Variants in MS4A12 observed in about 807,000 individuals in gnomAD.
MS4A12 encodes membrane-spanning 4-domains subfamily A member 12.
MS4A12 carries 28 observed loss-of-function variants against 23.7 expected under a neutral mutation model. The ratio of observed to expected loss-of-function variants is 1.18; its 90% CI spans 0.88 to 1.62. The LOEUF is 1.62. Ranked by LOEUF, MS4A12 falls within the 40% of genes most tolerant of loss-of-function variation. The pLI, the probability that MS4A12 is intolerant of heterozygous loss-of-function variation, is 0.00. For missense variants in MS4A12, 342 were observed against 327.0 expected, an observed-to-expected ratio of 1.05 and a Z score of -0.35; for synonymous variants, 108 against 110.1, an observed-to-expected ratio of 0.98 and a Z score of 0.12.
At chr11:60,499,689 T>C (rs1185613912) in intron 2 of MS4A12, among the ~76,000 whole-genome samples, 1 of 152,256 alleles carries the variant, frequency 6.6e-6, no homozygotes, top group African/African-American at 2.4e-5. Context: ...TTCGATTTAC[T>C]TGTGTTCAGT....
intron 1 of MS4A12, among the ~76,000 whole-genome samples, chr11:60,495,642 G>C (rs574235444): frequency 5.3e-5 from 8 of 152,140 alleles, no homozygotes; most frequent in African/African-American, 1.4e-4. Flanking sequence ...AGAAAACAAA[G>C]GCAAAGAGAG....
At chr11:60,504,612 C>T (rs1002607574) in intron 5 of MS4A12, among the ~76,000 whole-genome samples, 3 of 152,188 alleles carry the variant, frequency 2.0e-5, no homozygotes, top group Admixed American at 1.3e-4. Flanking sequence ...CTACATATAT[C>T]TTAAGAAAGA....
Position 60,503,710 on chromosome 11 carries a change from A to G in MS4A12, c.481A>G (p.Ser161Gly), listed in dbSNP as rs1237852483. The change falls in exon 5 of 7, where the codon AGC (serine) becomes GGC (glycine). Residue 161 changes from serine (S) to glycine (G), a missense_variant. Transcript: ENST00000016913. ...CTGCCATCTCCATTAGGTGAAAGGCAGCCTGGGAATGAACATTGTTAGTTC... is the reference window on the plus strand; with the variant it reads ...CTGCCATCTCCATTAGGTGAAAGGCGGCCTGGGAATGAACATTGTTAGTTC... ...KELSRCLVKGSLGMNIVSSIL... is the reference protein window; with the variant it reads ...KELSRCLVKGGLGMNIVSSIL... The G allele has an allele frequency of 1.2e-6, 2 of 1,612,214 alleles. No homozygotes were observed. Among genetic ancestry groups the G allele is most frequent in the Non-Finnish European group, 1.7e-6 (2 of 1,179,266 alleles).
rs147008825 is a variant in MS4A12, at chr11:60,506,785, G to A, written c.646G>A (p.Val216Ile). 2.9e-4 allele frequency: 475 copies of A among 1,614,082 alleles called. 2 individuals are homozygous for A. The African/African-American group carries it at 4.5e-3, about 15-fold the overall frequency. ...GATCTTCTCCCTCTTGGAGTTCTTC[G>A]TAGCTTGTGCCACAGCCCATTTTGC... ...LMIFSLLEFF[V>I]ACATAHFANQ... Residue 216 changes from valine to isoleucine, a missense_variant, in exon 6 of 7, where the codon GTA becomes ATA. Transcript: ENST00000016913.
chr11:60,499,859 G>A lies in MS4A12; in HGVS notation c.277-1186G>A, dbSNP rs750226242. On this transcript the variant is annotated intron_variant, in intron 2 of 6. Transcript: ENST00000016913. ...TCAGAAATCTATCTTTATTTACAAT[G>A]AAGGAAGGTTCAATAAGAGGTACAA... Among the ~76,000 whole-genome samples the A allele has an allele frequency of 1.5e-3, 225 of 152,264 alleles. 1 individual carries two copies. Among genetic ancestry groups the A allele is most frequent in the Non-Finnish European group, 1.6e-3 (107 of 68,016 alleles).
rs146116909 is a variant in MS4A12, at chr11:60,497,541, C to G, written c.223C>G (p.Pro75Ala). ...PGQGNIQMIN[P>A]SVGTAVMNFK... ...TCAAGGAAATATACAAATGATAAAT[C>G]CAAGTGTGGGAACAGCAGTAATGAA... The change falls in exon 2 of 7, where the codon CCA becomes GCA. Residue 75 changes from proline (P) to alanine (A), a missense_variant. Coordinates refer to ENST00000016913, the MANE Select transcript of MS4A12 (RefSeq NM_017716.3). 5.0e-5 allele frequency: 81 copies of G among 1,613,900 alleles called. No homozygotes were observed. The highest frequency in any genetic ancestry group is 6.0e-5 in the Non-Finnish European group (71 of 1,179,932).
intron 2 of MS4A12, among the ~76,000 whole-genome samples, chr11:60,500,096 C>T (rs2086518553): frequency 6.6e-6 from 1 of 151,870 alleles, no homozygotes; most frequent in South Asian, 2.1e-4. Context: ...AAGAAATTAG[C>T]CAGGCATGGT....
Position 60,507,028 on chromosome 11 carries a change from G to T in MS4A12, c.708G>T (p.Leu236=). The T allele has an allele frequency of 6.2e-7, 1 of 1,612,492 alleles. No homozygotes were observed. Residue 236 remains leucine (L), a synonymous_variant, in exon 7 of 7, where the codon CTG becomes CTT. Transcript: ENST00000016913. ...QANTTTNMSV[L]VIPNMYESNP... is the part of the protein sequence containing the mutation. ...TTATTCATTCTTTCCAGTCTGTCCT[G>T]GTTATTCCAAATATGTATGAAAGCA... is the stretch of plus-strand genomic sequence containing the variant.
At chr11:60,495,487 A>G (rs2086481635) in intron 1 of MS4A12, among the ~76,000 whole-genome samples, 1 of 151,938 alleles carries the variant, frequency 6.6e-6, no homozygotes, top group African/African-American at 2.4e-5. Flanking sequence ...GTACAGAGAT[A>G]ATGTATCTCA....
chr11:60,494,486 A>G (rs914245514), intron 1 of MS4A12, among the ~76,000 whole-genome samples: 3 of 152,202 alleles, frequency 2.0e-5, no homozygotes, highest in African/African-American at 7.2e-5. Context: ...TGTTCTGGTT[A>G]ATTACTGTAC....
intron 1 of MS4A12, among the ~76,000 whole-genome samples, chr11:60,495,362 T>G (rs2086480832): frequency 6.6e-6 from 1 of 151,370 alleles, no homozygotes; most frequent in Admixed American, 6.6e-5. Flanking sequence ...TCAACCATTT[T>G]CAGTTGCATC....
At chr11:60,505,948 A>AG in intron 5 of MS4A12, among the ~76,000 whole-genome samples, 1 of 152,326 alleles carries the variant, frequency 6.6e-6, no homozygotes, top group Admixed American at 6.5e-5. Context: ...CTCAGAAGAC[A>AG]GAAAAAGTGA....
At chr11:60,498,626 G>C (rs569174720) in intron 2 of MS4A12, among the ~76,000 whole-genome samples, 1 of 152,172 alleles carries the variant, frequency 6.6e-6, no homozygotes, top group Non-Finnish European at 1.5e-5. Context: ...GGGGAAATCA[G>C]ACTGTATACA....
Position 60,507,332 on chromosome 11 carries a change from G to A in MS4A12, c.*208G>A. 1 of 505,822 alleles carries A rather than the reference G, an allele frequency of 2.0e-6. No homozygotes were observed. Among genetic ancestry groups the A allele is most frequent in the South Asian group, 3.5e-5 (1 of 28,964 alleles). 31.3% of individuals were successfully genotyped at this position (505,822 alleles called of 1,614,324 possible). On this transcript the variant is annotated 3_prime_UTR_variant, in exon 7 of 7. Transcript: ENST00000016913. ...ACTACTACATGCTGGCAAAGGTGAAGGATCAGAGGACTGAAAAATGATTCT... is the reference window on the plus strand; with the variant it reads ...ACTACTACATGCTGGCAAAGGTGAAAGATCAGAGGACTGAAAAATGATTCT...
chr11:60,504,009 C>T (rs2086551916), intron 5 of MS4A12, among the ~76,000 whole-genome samples, 192 bp downstream of exon 5: 2 of 152,180 alleles, frequency 1.3e-5, no homozygotes, highest in Admixed American at 1.3e-4. Context: ...TAGACCGAGG[C>T]TTAAAGGACA....
At position 60,506,881 on chromosome 11, in the gene MS4A12, T is replaced by G. The variant is rs200314243; in HGVS notation, c.699+43T>G. Reference sequence around the variant, plus strand: ...TTTGTAAAATAATCTGAAAATGCCCTGGAGAAATACAGACTTGTGTCTGCT... The same window carrying G: ...TTTGTAAAATAATCTGAAAATGCCCGGGAGAAATACAGACTTGTGTCTGCT... On this transcript the variant is annotated intron_variant, in intron 6 of 6. Coordinates refer to ENST00000016913, the MANE Select transcript of MS4A12 (RefSeq NM_017716.3). 7.6e-6 allele frequency: 12 copies of G among 1,575,348 alleles called. No individual in the cohort carries two copies. In the South Asian group the frequency reaches 1.3e-4, roughly 17 times the overall value.
rs758679368 is a variant in MS4A12 at position 60,502,000 on chromosome 11, T to G, written c.432T>G (p.Ser144=). 2 of 1,613,118 alleles carry G rather than the reference T, an allele frequency of 1.2e-6. No homozygotes were observed. Among genetic ancestry groups the G allele is most frequent in the South Asian group, 2.2e-5 (2 of 91,022 alleles). The part of the protein sequence containing the change: ...WGGLSFIISG[S]LSVSASKELS... ...TTCCACAGTTTATTATCTCTGGCTC[T>G]CTCTCTGTGTCAGCATCCAAGGAGC... is the stretch of plus-strand genomic sequence containing the variant. The change falls in exon 4 of 7, where the codon TCT becomes TCG. Residue 144 remains serine, a synonymous_variant. Coordinates refer to ENST00000016913, the MANE Select transcript of MS4A12 (RefSeq NM_017716.3).
Position 60,502,284 on chromosome 11 carries a change from G to A in MS4A12, c.471+245G>A, listed in dbSNP as rs2086536604. ...CAAAGGTGAGAAGTAGTAAAAATCA[G>A]GGTTGTTTAAGCTTTAACCTAAAAG... is the stretch of plus-strand genomic sequence containing the variant. On this transcript the variant is annotated intron_variant, in intron 4 of 6. Transcript: ENST00000016913. Among the ~76,000 whole-genome samples the A allele has an allele frequency of 2.0e-5, 3 of 152,130 alleles. No individual in the cohort carries two copies. The South Asian group carries it at 6.2e-4, about 31-fold the overall frequency.
chr11:60,493,416 A>ATAATAGGT (rs1377605791), intron 1 of MS4A12, among the ~76,000 whole-genome samples: 6 of 152,002 alleles, frequency 3.9e-5, no homozygotes, highest in Non-Finnish European at 8.8e-5. Context: ...AGAAAGGTGA[A>ATAATAGGT]TAATAGGTTC....
Sources: gnomAD v4.1 joint callset for allele counts (sites outside exome capture counted in the v4.1 genomes callset) on GRCh38, gnomAD v4.1.1 for gene constraint, MANE v1.5 for transcripts, NCBI Gene and HGNC (gene_info 2026-07-23, HGNC 2026-07-21) for gene names.